The following GLTP variants were observed in gnomAD, a reference collection of about 807,000 sequenced individuals.
The protein encoded by GLTP is glycolipid transfer protein.
A neutral mutation model predicts 24.0 loss-of-function variants in GLTP; 22 were observed. That is an observed-to-expected ratio of 0.92 (90% confidence interval 0.65 to 1.31). The LOEUF is 1.31. GLTP is among the 50% of genes most tolerant of loss of function. GLTP has a pLI of 0.00. For missense variants in GLTP, 224 were observed against 276.6 expected (o/e 0.81, Z 1.35); for synonymous variants, 92 against 115.9 (o/e 0.79, Z 1.33).
chr12:109,867,305 T>C (rs1224222205), intron 1 of GLTP, among the ~76,000 whole-genome samples: 1 of 151,690 alleles, frequency 6.6e-6, no homozygotes, highest in Non-Finnish European at 1.5e-5. Context: ...CACGCCACCA[T>C]GCCAGGCCAA....
At chr12:109,867,435 T>C (rs1212407707) in intron 1 of GLTP, among the ~76,000 whole-genome samples, 1 of 152,064 alleles carries the variant, frequency 6.6e-6, no homozygotes, top group Admixed American at 6.6e-5. Flanking sequence ...AGGCGTGAGC[T>C]ACCGTGCCCA....
chr12:109,859,991 T>C (rs1892851446), intron 1 of GLTP: 1 of 89,688 alleles, frequency 1.1e-5, no homozygotes. Flanking sequence ...TTTAACTTTT[T>C]TTTCCCCGAG....
chr12:109,857,423 G>C lies in GLTP; in HGVS notation c.296+103C>G. 7.5e-7 allele frequency: 1 copy of C among 1,329,734 alleles called. No homozygotes were observed. Among genetic ancestry groups the C allele is most frequent in the Non-Finnish European group, 1.1e-6 (1 of 951,874 alleles). The allele number at this position is 1,329,734 out of a possible 1,614,324, so 82.4% of individuals were successfully genotyped here. ...AACTAGCATCACACTGGAAGGGCTC[G>C]GAAGTGACCTTCCCAGCCTGAGCTG... On this transcript the variant is annotated intron_variant, in intron 3 of 4. Transcript: ENST00000318348. This position sits in a 1 kb window ranked among gnomAD's most constrained non-coding sequence, Gnocchi z 4.3.
rs1288557244 is a variant in GLTP at position 109,855,688 on chromosome 12, G to A, written c.378C>T (p.Val126=). Residue 126 remains valine, a synonymous_variant, in exon 4 of 5, where the codon GTC becomes GTT. Transcript: ENST00000318348. This position sits in a 1 kb window ranked among gnomAD's most constrained non-coding sequence, Gnocchi z 4.1. ...RDENHPNLIR[V]NATKAYEMAL... is the part of the protein sequence containing the mutation. ...CCATCTCGTAGGCCTTGGTGGCGTT[G>A]ACACGGATGAGGTTGGGGTGGTTCT... 2.5e-6 allele frequency: 4 copies of A among 1,609,512 alleles called. No homozygotes were observed. Among genetic ancestry groups the A allele is most frequent in the African/African-American group, 2.7e-5 (2 of 74,332 alleles).
rs1400661957 is a variant in GLTP, at chr12:109,857,958, C to A, written c.163-299G>T. ...GAGCACGGACTTGCCCAAGGTCACA[C>A]AGTTGGTACAGAGTTCATGTTCTCC... On this transcript the variant is annotated intron_variant, in intron 2 of 4. Coordinates refer to ENST00000318348, the MANE Select transcript of GLTP (RefSeq NM_016433.4). This position sits in a 1 kb window ranked among gnomAD's most constrained non-coding sequence, Gnocchi z 4.3. The A allele has an allele frequency of 2.2e-6, 1 of 448,082 alleles. No individual in the cohort carries two copies. Among genetic ancestry groups the A allele is most frequent in the Non-Finnish European group, 4.2e-6 (1 of 238,616 alleles). 27.8% of individuals were successfully genotyped at this position (448,082 alleles called of 1,614,324 possible). A position where few individuals can be genotyped will look rare whatever the true frequency, so the allele number is the denominator to read the frequency against.
chr12:109,852,548 G>T lies in GLTP; in HGVS notation c.*7C>A. 2 of 1,584,192 alleles carry T rather than the reference G, an allele frequency of 1.3e-6. No homozygotes were observed. Among genetic ancestry groups the T allele is most frequent in the South Asian group, 1.1e-5 (1 of 89,600 alleles). ...CGAGTCGGGGACGTGTCCAGCAGTG[G>T]GCATGCCTACACCTTGTAGTTAAGC... On this transcript the variant is annotated 3_prime_UTR_variant, in exon 5 of 5. Transcript: ENST00000318348.
chr12:109,859,612 TA>T lies in GLTP; in HGVS notation c.104-872del, dbSNP rs544805389. On this transcript the variant is annotated intron_variant, in intron 1 of 4. Transcript: ENST00000318348. ...TGTTTTTAACAAAAAAGATTTTTTTTAAAAAAAAGTACTTAACTTTTATAAT... is the reference window on the plus strand; with the variant it reads ...TGTTTTTAACAAAAAAGATTTTTTTTAAAAAAAGTACTTAACTTTTATAAT... Among the ~76,000 whole-genome samples the T allele has an allele frequency of 1.3e-3, 181 of 134,782 alleles. No homozygotes were observed. The East Asian group carries it at 0.014, about 10-fold the overall frequency. The allele number at this position is 134,782 out of a possible 152,430, so 88.4% of individuals were successfully genotyped here. A position where few individuals can be genotyped will look rare whatever the true frequency, so the allele number is the denominator to read the frequency against.
chr12:109,866,926 ATTTT>A (rs34869730), intron 1 of GLTP, among the ~76,000 whole-genome samples: 8 of 118,290 alleles, frequency 6.8e-5, no homozygotes, highest in Admixed American at 8.9e-5. Flanking sequence ...TGCTGGGCTA[ATTTT>A]TTTTTTTTTT....
chr12:109,871,354 G>C (rs1868716286), intron 1 of GLTP, among the ~76,000 whole-genome samples: 1 of 151,966 alleles, frequency 6.6e-6, no homozygotes, highest in Admixed American at 6.6e-5. Context: ...CAAAGTGTTG[G>C]GATTACAGGC....
At chr12:109,875,625 C>G (rs1324591724) in intron 1 of GLTP, among the ~76,000 whole-genome samples, 1 of 152,208 alleles carries the variant, frequency 6.6e-6, no homozygotes, top group Non-Finnish European at 1.5e-5. Context: ...CAGGAAAGAT[C>G]TGATTACTGG....
chr12:109,854,092 T>C (rs188301189), intron 4 of GLTP, among the ~76,000 whole-genome samples: 6 of 147,170 alleles, frequency 4.1e-5, no homozygotes, highest in Admixed American at 2.7e-4. Flanking sequence ...GGGTGGTGGC[T>C]CACGCCTGTA....
Position 109,855,604 on chromosome 12 carries a change from A to G in GLTP, c.447+15T>C, listed in dbSNP as rs143860035. 6.4e-5 allele frequency: 99 copies of G among 1,538,268 alleles called. No individual in the cohort carries two copies. The African/African-American group carries it at 1.2e-3, about 19-fold the overall frequency. On this transcript the variant is annotated intron_variant, in intron 4 of 4. Transcript: ENST00000318348. This position sits in a 1 kb window ranked among gnomAD's most constrained non-coding sequence, Gnocchi z 4.1. The stretch of plus-strand genomic sequence containing the variant: ...GCAAGCTGGTGGTCCTTTGGGGCTC[A>G]TGGGGGTGGCTCACCTGGAAGATCT...
At chr12:109,876,663 AAG>A (rs141316976) in intron 1 of GLTP, among the ~76,000 whole-genome samples, 5 of 150,892 alleles carry the variant, frequency 3.3e-5, no homozygotes, top group Admixed American at 6.6e-5. Flanking sequence ...GAAGGAAAGA[AAG>A]AGGAAGGAAG....
At chr12:109,865,171 A>C (rs1053313532) in intron 1 of GLTP, among the ~76,000 whole-genome samples, 10 of 152,050 alleles carry the variant, frequency 6.6e-5, no homozygotes, top group Non-Finnish European at 1.5e-5. Context: ...TGTTTTTTTC[A>C]ATTGTTGTCA....
rs965998479 is a variant in GLTP at position 109,871,081 on chromosome 12, CT to C, written c.103+9190del. On this transcript the variant is annotated intron_variant, in intron 1 of 4. Coordinates refer to ENST00000318348, the MANE Select transcript of GLTP (RefSeq NM_016433.4). ...AAGACTAGGACCCAACATTTCCATT[CT>C]TTTTTTTTTTTTTTTTTTTTTCTGA... 7.9e-3 allele frequency among the ~76,000 whole-genome samples: 902 copies of C among 114,428 alleles called. 7 individuals carry two copies. Among genetic ancestry groups the C allele is most frequent in the South Asian group, 0.032 (115 of 3,644 alleles). The allele number at this position is 114,428 out of a possible 152,430, so 75.1% of individuals were successfully genotyped here. A position where few individuals can be genotyped will look rare whatever the true frequency, so the allele number is the denominator to read the frequency against.
chr12:109,867,732 G>T (rs1044365211), intron 1 of GLTP, among the ~76,000 whole-genome samples: 4 of 151,984 alleles, frequency 2.6e-5, no homozygotes, highest in Middle Eastern at 6.8e-3. Context: ...CACCAAGGAT[G>T]GGGTATAGTG....
intron 1 of GLTP, among the ~76,000 whole-genome samples, chr12:109,867,976 AC>A (rs1356266045): frequency 1.3e-5 from 2 of 152,068 alleles, no homozygotes; most frequent in African/African-American, 4.8e-5. Flanking sequence ...ACAGGGTTTC[AC>A]CGTGTTAGCC....
chr12:109,874,750 T>TTTTAG (rs1296025243), intron 1 of GLTP, among the ~76,000 whole-genome samples: 1 of 152,148 alleles, frequency 6.6e-6, no homozygotes, highest in Non-Finnish European at 1.5e-5. Context: ...ATGTATCTTA[T>TTTTAG]TTTAGTTTAG....
intron 1 of GLTP, among the ~76,000 whole-genome samples, chr12:109,864,337 C>T (rs1868455132): frequency 6.6e-6 from 1 of 152,176 alleles, no homozygotes. Context: ...AGGTGGGCTG[C>T]CTGCAATTAG....
Sources: gnomAD v4.1 joint callset for allele counts (sites outside exome capture counted in the v4.1 genomes callset) on GRCh38, gnomAD v4.1.1 for gene constraint, Gnocchi (gnomAD v3.1) non-coding constraint, MANE v1.5 for transcripts, NCBI Gene and HGNC (gene_info 2026-07-23, HGNC 2026-07-21) for gene names.